The following MGAT5B variants were observed in gnomAD, a reference collection of about 807,000 sequenced individuals.
MGAT5B encodes alpha-1,6-mannosylglycoprotein 6-beta-N-acetylglucosaminyltransferase B.
In MGAT5B, 54 loss-of-function variants were observed where a neutral mutation model predicts 95.1. That is an observed-to-expected ratio of 0.57 (90% confidence interval 0.46 to 0.71). The LOEUF is 0.71. Ranked by LOEUF, MGAT5B falls within the 30% of genes least tolerant of loss-of-function variation. The pLI is 0.00. For synonymous variants in MGAT5B, 464 were observed against 451.0 expected (o/e 1.03, Z -0.36); for missense variants, 935 against 1,088.6 (o/e 0.86, Z 1.99).
intron 15 of MGAT5B, among the ~76,000 whole-genome samples, chr17:76,943,609 G>GA (rs1969933905): frequency 8.4e-6 from 1 of 118,814 alleles, no homozygotes; most frequent in African/African-American, 3.6e-5. Context: ...TATTTGAATA[G>GA]AGATGGGGTG....
rs1366350460 is a variant in MGAT5B at position 76,914,293 on chromosome 17, G to A, written c.1025+8106G>A. Among the ~76,000 whole-genome samples the A allele has an allele frequency of 6.6e-6, 1 of 152,214 alleles. No homozygotes were observed. Among genetic ancestry groups the A allele is most frequent in the African/African-American group, 2.4e-5 (1 of 41,446 alleles). ...AAGGCGGGATGGGGAGGACACAGCA[G>A]TCGTGAGTGTCTGCACTCCTCCAAG... On this transcript the variant is annotated intron_variant, in intron 8 of 17. Coordinates refer to ENST00000569840, the MANE Select transcript of MGAT5B (RefSeq NM_001199172.2). The surrounding 1 kb of genome is among the most constrained non-coding windows in gnomAD (Gnocchi z 5.1).
intron 3 of MGAT5B, among the ~76,000 whole-genome samples, chr17:76,899,171 G>T (rs1567801478): frequency 2.0e-5 from 3 of 152,202 alleles, no homozygotes; most frequent in Admixed American, 6.5e-5. Context: ...CCCTGGCTTG[G>T]CTTGTCTTGA....
At position 76,914,110 on chromosome 17, in the gene MGAT5B, AG is replaced by A. The variant is rs1343904889; in HGVS notation, c.1025+7924del. The A allele has an allele frequency of 2.4e-4, 35 of 148,414 alleles. 1 individual carries two copies. The highest frequency in any genetic ancestry group is 1.1e-3 in the South Asian group (7 of 6,348). 9.2% of individuals were successfully genotyped at this position (148,414 alleles called of 1,614,324 possible). A position where few individuals can be genotyped will look rare whatever the true frequency, so the allele number is the denominator to read the frequency against. On this transcript the variant is annotated intron_variant, in intron 8 of 17. Coordinates refer to ENST00000569840, the MANE Select transcript of MGAT5B (RefSeq NM_001199172.2). The surrounding 1 kb of genome is among the most constrained non-coding windows in gnomAD (Gnocchi z 5.1). ...AGCAAGACTGTCTCAAAAAAAAAAG[AG>A]AAGAAGAAGAAGAAAGAAAGAAGGA... is the stretch of plus-strand genomic sequence containing the variant.
In MGAT5B at chr17:76,905,195, CCTT is replaced by C; in HGVS notation, c.720_722del (p.Leu241del). ...CAGTTTTCCGAAGCAACCTGTCCCACCTTCTGGACCTGATGGGCAGCGGGAAGG... is the reference window on the plus strand; with the variant it reads ...CAGTTTTCCGAAGCAACCTGTCCCACCTGGACCTGATGGGCAGCGGGAAGG... On this transcript the variant is annotated inframe_deletion, in exon 7 of 18. Coordinates refer to ENST00000569840, the MANE Select transcript of MGAT5B (RefSeq NM_001199172.2). The surrounding 1 kb of genome is among the most constrained non-coding windows in gnomAD (Gnocchi z 4.2). 2 of 1,612,704 alleles carry C rather than the reference CCTT, an allele frequency of 1.2e-6. No homozygotes were observed. The highest frequency in any genetic ancestry group is 2.2e-5 in the South Asian group (2 of 91,000).
intron 8 of MGAT5B, among the ~76,000 whole-genome samples, chr17:76,910,083 G>A (rs1456199247): frequency 6.6e-6 from 1 of 152,130 alleles, no homozygotes; most frequent in Non-Finnish European, 1.5e-5. Flanking sequence ...ACCCGGCTGG[G>A]AGCTGTCCCC....
chr17:76,887,288 C>T (rs1305886787), intron 3 of MGAT5B, among the ~76,000 whole-genome samples: 1 of 152,054 alleles, frequency 6.6e-6, no homozygotes, highest in Non-Finnish European at 1.5e-5. Flanking sequence ...TGCAGTCACC[C>T]CTGGCTCTTC....
chr17:76,910,824 G>A (rs1027466095), intron 8 of MGAT5B, among the ~76,000 whole-genome samples: 1 of 152,162 alleles, frequency 6.6e-6, no homozygotes, highest in Non-Finnish European at 1.5e-5. Flanking sequence ...TCCCCTGTGG[G>A]GTGTATGTGT....
chr17:76,940,434 C>A lies in MGAT5B; in HGVS notation c.1617C>A (p.Gly539=). 6.2e-7 allele frequency: 1 copy of A among 1,612,192 alleles called. No individual in the cohort carries two copies. The highest frequency in any genetic ancestry group is 8.5e-7 in the Non-Finnish European group (1 of 1,178,952). ...LFIGFGFPYE[G]PAPLEAIANG... ...TCGGGTTTGGCTTCCCCTACGAGGG[C>A]CCCGCCCCCCTGGAGGCCATCGCCA... The change falls in exon 14 of 18, where the codon GGC becomes GGA. Residue 539 remains glycine (G), a synonymous_variant. Coordinates refer to ENST00000569840, the MANE Select transcript of MGAT5B (RefSeq NM_001199172.2). This position sits in a 1 kb window ranked among gnomAD's most constrained non-coding sequence, Gnocchi z 4.3.
chr17:76,901,550 G>A (rs1021411551), intron 3 of MGAT5B, among the ~76,000 whole-genome samples: 1 of 152,170 alleles, frequency 6.6e-6, no homozygotes, highest in Admixed American at 6.5e-5. Context: ...ATGTCCCTGA[G>A]AGCTGAGTAG....
chr17:76,933,217 G>C (rs1048571175), intron 11 of MGAT5B, 75 bp from the exon 12 acceptor site: 15 of 1,586,922 alleles, frequency 9.5e-6, no homozygotes, highest in African/African-American at 1.3e-5. Flanking sequence ...TGCCTGCATG[G>C]GGTGTTGTCT....
intron 16 of MGAT5B, among the ~76,000 whole-genome samples, chr17:76,947,543 G>A (rs1191609591): frequency 6.6e-6 from 1 of 152,168 alleles, no homozygotes; most frequent in Non-Finnish European, 1.5e-5. Flanking sequence ...GGCAGCTCCA[G>A]GGCACACAGG....
intron 15 of MGAT5B, among the ~76,000 whole-genome samples, chr17:76,945,182 C>A (rs1253863324): frequency 2.6e-5 from 4 of 152,088 alleles, no homozygotes; most frequent in African/African-American, 9.7e-5. Context: ...GGCAGGAGTA[C>A]CCCCTTACTC....
chr17:76,906,233 G>C lies in MGAT5B; in HGVS notation c.1025+46G>C. ...CTGGCATTAAGTGGGGCAGGGAGGG[G>C]ATGAAGGGGAACCCCACCCCTCCCT... On this transcript the variant is annotated intron_variant, in intron 8 of 17. Coordinates refer to ENST00000569840, the MANE Select transcript of MGAT5B (RefSeq NM_001199172.2). The surrounding 1 kb of genome is among the most constrained non-coding windows in gnomAD (Gnocchi z 4.6). The C allele has an allele frequency of 6.5e-7, 1 of 1,544,996 alleles. No homozygotes were observed. The highest frequency in any genetic ancestry group is 8.7e-7 in the Non-Finnish European group (1 of 1,153,452).
At chr17:76,931,245 C>T (rs376157061) in intron 10 of MGAT5B, among the ~76,000 whole-genome samples, 8 of 152,042 alleles carry the variant, frequency 5.3e-5, no homozygotes, top group African/African-American at 9.7e-5. Flanking sequence ...AACAGGTGTG[C>T]GCCACCACAC....
chr17:76,921,264 C>T (rs186637837), intron 8 of MGAT5B, among the ~76,000 whole-genome samples: 6 of 152,282 alleles, frequency 3.9e-5, no homozygotes, highest in East Asian at 3.9e-4. Flanking sequence ...CCTGGCCTCA[C>T]GTGTGACAGG....
chr17:76,895,473 A>G (rs909287134), intron 3 of MGAT5B, among the ~76,000 whole-genome samples: 4 of 152,160 alleles, frequency 2.6e-5, no homozygotes, highest in Admixed American at 2.6e-4. Flanking sequence ...CCACTGGATT[A>G]AACAACAGAA....
At chr17:76,898,564 A>G (rs1011844010) in intron 3 of MGAT5B, among the ~76,000 whole-genome samples, 8 of 151,948 alleles carry the variant, frequency 5.3e-5, no homozygotes, top group African/African-American at 1.9e-4. Flanking sequence ...TGGCCTCCCA[A>G]AGTGCTGGGA....
In MGAT5B at chr17:76,916,298, T is replaced by C. The variant is rs925913190; in HGVS notation, c.1026-8668T>C. 2.0e-5 allele frequency among the ~76,000 whole-genome samples: 3 copies of C among 152,244 alleles called. No homozygotes were observed. Among genetic ancestry groups the C allele is most frequent in the African/African-American group, 4.8e-5 (2 of 41,466 alleles). On this transcript the variant is annotated intron_variant, in intron 8 of 17. Transcript: ENST00000569840. The surrounding 1 kb of genome is among the most constrained non-coding windows in gnomAD (Gnocchi z 5.3). ...CTGGCGTCACAGGGAGTCTGTTTCTTGCAAGTCAAGGCCCCCCGGCCAAGT... is the reference window on the plus strand; with the variant it reads ...CTGGCGTCACAGGGAGTCTGTTTCTCGCAAGTCAAGGCCCCCCGGCCAAGT...
chr17:76,909,669 G>A (rs1968663553), intron 8 of MGAT5B, among the ~76,000 whole-genome samples: 1 of 152,186 alleles, frequency 6.6e-6, no homozygotes, highest in South Asian at 2.1e-4. Flanking sequence ...CTCAGAGTCT[G>A]CCAGTAACTC....
Sources: gnomAD v4.1 joint callset for allele counts (sites outside exome capture counted in the v4.1 genomes callset) on GRCh38, gnomAD v4.1.1 for gene constraint, Gnocchi (gnomAD v3.1) non-coding constraint, MANE v1.5 for transcripts, NCBI Gene and HGNC (gene_info 2026-07-23, HGNC 2026-07-21) for gene names.